CLCN7: variants seen among roughly 807,000 people sequenced by gnomAD.
The protein encoded by CLCN7 is H(+)/Cl(-) exchange transporter 7.
Under a neutral mutation model 102.1 loss-of-function variants are expected in CLCN7, and 60 were observed. The observed-to-expected ratio is 0.59, with a 90% CI of 0.48 to 0.73. The LOEUF is 0.73. Ranked by LOEUF, CLCN7 falls within the 30% of genes least tolerant of loss-of-function variation. The pLI is 0.00. For missense variants in CLCN7, 962 were observed against 1,125.7 expected, an observed-to-expected ratio of 0.85 and a Z score of 2.08; for synonymous variants, 560 against 490.5, an observed-to-expected ratio of 1.14 and a Z score of -1.87.
In CLCN7 at chr16:1,446,964, A is replaced by C. The variant is rs114316234; in HGVS notation, c.2331+42T>G. The C allele has an allele frequency of 1.4e-3, 2,058 of 1,501,198 alleles. 22 individuals are homozygous for C. In the African/African-American group the frequency reaches 0.022, roughly 16 times the overall value. The allele number at this position is 1,501,198 out of a possible 1,614,324, so 93.0% of individuals were successfully genotyped here. ...TAAGCACGGGCAGGAGGCAGAGGGGAGCCCTGCACGGCATGCCTGCACCCC... is the reference window on the plus strand; with the variant it reads ...TAAGCACGGGCAGGAGGCAGAGGGGCGCCCTGCACGGCATGCCTGCACCCC... On this transcript the variant is annotated intron_variant, in intron 24 of 24. Coordinates refer to ENST00000382745, the MANE Select transcript of CLCN7 (RefSeq NM_001287.6).
chr16:1,446,828 T>C (rs2038653599), intron 24 of CLCN7, 111 bp from the exon 25 acceptor site: 1 of 1,159,180 alleles, frequency 8.6e-7, no homozygotes. Flanking sequence ...CCTGGGGGCT[T>C]CAGCACAGCC....
Position 1,465,259 on chromosome 16 carries a change from C to A in CLCN7, c.213+8G>T, listed in dbSNP as rs1222000463. ...TCTGCGGGAGGACGGGGAACACCCC[C>A]AACTCACCGGGTCCAAAAGTTCATC... is the stretch of plus-strand genomic sequence containing the variant. On this transcript the variant is annotated splice_region_variant and intron_variant, in intron 2 of 24. Coordinates refer to ENST00000382745, the MANE Select transcript of CLCN7 (RefSeq NM_001287.6). The A allele has an allele frequency of 6.2e-7, 1 of 1,613,156 alleles. No individual in the cohort carries two copies.
At position 1,455,138 on chromosome 16, in the gene CLCN7, G is replaced by A. The variant is rs765414475; in HGVS notation, c.1094C>T (p.Ser365Leu). The change falls in exon 12 of 25, where the codon TCG becomes TTG. Residue 365 changes from serine (S) to leucine (L), a missense_variant. By Grantham distance (145) the Ser-to-Leu change is moderately radical (BLOSUM62 -2). Around this residue, in one of 2 missense-constraint regions of CLCN7, gnomAD observed 799 missense variants for 988.0 expected, o/e 0.81. Transcript: ENST00000382745. ...GTGGGCGATGGGGCAGGTTACCTCCGAGTCAAACCTTCCGAAGTTGATGAG... is the reference window on the plus strand; with the variant it reads ...GTGGGCGATGGGGCAGGTTACCTCCAAGTCAAACCTTCCGAAGTTGATGAG... ...PGLINFGRFD[S>L]EKMAYTIHEI... 9 of 1,595,052 alleles carry A rather than the reference G, an allele frequency of 5.6e-6. No homozygotes were observed. Among genetic ancestry groups the A allele is most frequent in the South Asian group, 1.1e-5 (1 of 90,708 alleles).
chr16:1,461,036 C>T (rs765292154), intron 4 of CLCN7, 88 bp from the exon 5 acceptor site: 51 of 1,528,344 alleles, frequency 3.3e-5, no homozygotes, highest in Non-Finnish European at 4.2e-5. Context: ...GCCTGCAGGC[C>T]CCGGGATTAT....
At chr16:1,465,838 A>G (rs937699739) in intron 1 of CLCN7, among the ~76,000 whole-genome samples, 2 of 152,158 alleles carry the variant, frequency 1.3e-5, no homozygotes, top group African/African-American at 4.8e-5. Flanking sequence ...GCTGTCAGGC[A>G]GAGCTGGGTG....
At chr16:1,474,095 A>AG (rs1172804437) in intron 1 of CLCN7, 3 of 443,538 alleles carry the variant, frequency 6.8e-6, no homozygotes, top group Non-Finnish European at 1.3e-5. Flanking sequence ...AAAAAAAAAA[A>AG]AATATTAAGA....
At chr16:1,451,162 T>TCGA (rs1183093251) in intron 16 of CLCN7, among the ~76,000 whole-genome samples, 2 of 152,192 alleles carry the variant, frequency 1.3e-5, no homozygotes, top group Non-Finnish European at 2.9e-5. Context: ...ACACTTGTGG[T>TCGA]CGAGCGAGGC....
chr16:1,455,958 T>G (rs1371811880), intron 10 of CLCN7, among the ~76,000 whole-genome samples, 155 bp downstream of exon 10: 1 of 152,206 alleles, frequency 6.6e-6, no homozygotes, highest in Admixed American at 6.5e-5. Context: ...GTCTGAGGGC[T>G]GGACCCAAGT....
In CLCN7 at chr16:1,461,416, T is replaced by C; in HGVS notation, c.340A>G (p.Ile114Val). The change falls in exon 4 of 25, where the codon ATC becomes GTC. Residue 114 changes from isoleucine (I) to valine (V), a missense_variant. Transcript: ENST00000382745. ...GGCGTCCAGCTCACCGTGTGATTGA[T>C]CCGCCGCTCCTCCTCCAGGAACAGC... ...NQLFLEEERR[I>V]NHTAFRTVEI... 1 of 1,550,582 alleles carries C rather than the reference T, an allele frequency of 6.4e-7. No individual in the cohort carries two copies. The highest frequency in any genetic ancestry group is 1.2e-5 in the South Asian group (1 of 84,122).
At chr16:1,461,577 G>A in intron 3 of CLCN7, 26 bp downstream of exon 3, 1 of 1,612,608 alleles carries the variant, frequency 6.2e-7, no homozygotes, top group South Asian at 1.1e-5. Flanking sequence ...CGGGTCTCAG[G>A]GTCAGGGGGA....
rs2038753038 is a variant in CLCN7 at position 1,451,639 on chromosome 16, G to A, written c.1431C>T (p.Leu477=). ...CACACACACCTGGCGGGTCGTGGAAGAGGCTCACCACGCTCTTCTCCGGGG... is the reference window on the plus strand; with the variant it reads ...CACACACACCTGGCGGGTCGTGGAAAAGGCTCACCACGCTCTTCTCCGGGG... The part of the protein sequence containing the change: ...FNTPEKSVVS[L]FHDPPGSYNP... The change falls in exon 16 of 25, where the codon CTC becomes CTT. Residue 477 remains leucine, a synonymous_variant. Coordinates refer to ENST00000382745, the MANE Select transcript of CLCN7 (RefSeq NM_001287.6). 6.2e-7 allele frequency: 1 copy of A among 1,612,252 alleles called. No homozygotes were observed. The highest frequency in any genetic ancestry group is 8.5e-7 in the Non-Finnish European group (1 of 1,179,904).
At chr16:1,446,906 T>C in intron 24 of CLCN7, 100 bp downstream of exon 24, 2 of 1,230,378 alleles carry the variant, frequency 1.6e-6, no homozygotes, top group Non-Finnish European at 2.3e-6. Flanking sequence ...TGCTGGGTCC[T>C]GTGCTTCCGT....
rs987976974 is a variant in CLCN7, at chr16:1,446,040, G to T, written c.*591C>A. On this transcript the variant is annotated 3_prime_UTR_variant, in exon 25 of 25. Transcript: ENST00000382745. ...GCCGGATGCAGGCCGGGGAGTGCAC[G>T]TGGGGCTCCTCTGTGGCGCCAGTGT... 3 of 567,162 alleles carry T rather than the reference G, an allele frequency of 5.3e-6. No individual in the cohort carries two copies. The African/African-American group carries it at 5.7e-5, about 11-fold the overall frequency. 35.1% of individuals were successfully genotyped at this position (567,162 alleles called of 1,614,324 possible). A position where few individuals can be genotyped will look rare whatever the true frequency, so the allele number is the denominator to read the frequency against.
intron 1 of CLCN7, chr16:1,472,019 G>A (rs1280370771): frequency 1.3e-5 from 2 of 152,394 alleles, no homozygotes; most frequent in Admixed American, 6.5e-5. Flanking sequence ...TCAAGCCCAA[G>A]CCTTGTGACT....
chr16:1,461,090 G>A (rs2038929012), intron 4 of CLCN7, 142 bp from the exon 5 acceptor site: 1 of 1,182,964 alleles, frequency 8.5e-7, no homozygotes, highest in Non-Finnish European at 1.2e-6. Context: ...ACAAAGGACA[G>A]TTTCTGGCCA....
chr16:1,451,511 G>C lies in CLCN7; in HGVS notation c.1447+112C>G, dbSNP rs547859018. Reference sequence around the variant, plus strand: ...GAGTCCCTGCTATGATCCATGCTAGGGATGACCCCCCAGCCCAGGGCTGCA... The same window carrying C: ...GAGTCCCTGCTATGATCCATGCTAGCGATGACCCCCCAGCCCAGGGCTGCA... On this transcript the variant is annotated intron_variant, in intron 16 of 24. Transcript: ENST00000382745. 7 of 831,262 alleles carry C rather than the reference G, an allele frequency of 8.4e-6. No individual in the cohort carries two copies. In the African/African-American group the frequency reaches 1.0e-4, roughly 12 times the overall value. 51.5% of individuals were successfully genotyped at this position (831,262 alleles called of 1,614,324 possible).
chr16:1,456,902 C>T (rs2038843599), intron 9 of CLCN7, among the ~76,000 whole-genome samples: 1 of 151,958 alleles, frequency 6.6e-6, no homozygotes, highest in Admixed American at 6.5e-5. Flanking sequence ...ATGCTGGGGA[C>T]TTTTTTGGGG....
intron 4 of CLCN7, 28 bp downstream of exon 4, chr16:1,461,377 G>A: frequency 6.5e-7 from 1 of 1,544,050 alleles, no homozygotes; most frequent in Non-Finnish European, 8.7e-7. Flanking sequence ...GCACCGTGGG[G>A]CCCTGCAGGG....
At chr16:1,458,347 G>A (rs371824509) in intron 7 of CLCN7, among the ~76,000 whole-genome samples, 16 of 152,376 alleles carry the variant, frequency 1.1e-4, no homozygotes, top group East Asian at 5.8e-4. Context: ...TAAAGATGCC[G>A]AGCAAACTCA....
Sources: gnomAD v4.1 joint callset for allele counts (sites outside exome capture counted in the v4.1 genomes callset) on GRCh38, gnomAD v4.1.1 for gene constraint, gnomAD v4.1.1 regional missense constraint, MANE v1.5 for transcripts, NCBI Gene and HGNC (gene_info 2026-07-23, HGNC 2026-07-21) for gene names.